ULK4: variants seen among roughly 807,000 people sequenced by gnomAD.
ULK4 encodes the protein inactive serine/threonine-protein kinase ULK4.
In ULK4, 133 loss-of-function variants were observed where a neutral mutation model predicts 160.6. That is an observed-to-expected ratio of 0.83 (90% CI 0.72 to 0.96). The LOEUF (loss-of-function observed/expected upper bound fraction) is 0.96, where lower values mean the gene tolerates loss of function less well. Ranked by LOEUF, ULK4 falls within the 40% of genes least tolerant of loss-of-function variation. The pLI, the probability that ULK4 is intolerant of heterozygous loss-of-function variation, is 0.00. For missense variants in ULK4, 1,580 were observed against 1,499.5 expected, an observed-to-expected ratio of 1.05 and a Z score of -0.89; for synonymous variants, 534 against 539.8, an observed-to-expected ratio of 0.99 and a Z score of 0.15.
At chr3:41,533,882 A>G (rs1365067894) in intron 32 of ULK4, among the ~76,000 whole-genome samples, 1 of 152,142 alleles carries the variant, frequency 6.6e-6, no homozygotes, top group African/African-American at 2.4e-5. Flanking sequence ...ATCTTGGCTC[A>G]CTGCAAGCTC....
chr3:41,307,858 T>C (rs577154325), intron 35 of ULK4, among the ~76,000 whole-genome samples: 223 of 151,654 alleles, frequency 1.5e-3, no homozygotes, highest in African/African-American at 5.1e-3. Context: ...ATATAATATA[T>C]AGCTAAAGTG....
intron 35 of ULK4, among the ~76,000 whole-genome samples, chr3:41,389,353 T>C (rs1230900211): frequency 1.3e-5 from 2 of 152,178 alleles, no homozygotes; most frequent in Non-Finnish European, 2.9e-5. Context: ...CCTAATTGAA[T>C]GCCCTTTATT....
intron 34 of ULK4, among the ~76,000 whole-genome samples, chr3:41,442,302 T>C (rs1046187618): frequency 6.6e-6 from 1 of 152,154 alleles, no homozygotes. Context: ...CTTAAAATGT[T>C]TTGTGATTAT....
At chr3:41,255,886 A>C (rs2078825562) in intron 35 of ULK4, among the ~76,000 whole-genome samples, 1 of 152,186 alleles carries the variant, frequency 6.6e-6, no homozygotes, top group Non-Finnish European at 1.5e-5. Context: ...CACTTATATA[A>C]AAAATCATCT....
At chr3:41,772,650 A>T (rs2039436644) in intron 21 of ULK4, among the ~76,000 whole-genome samples, 1 of 152,198 alleles carries the variant, frequency 6.6e-6, no homozygotes, top group African/African-American at 2.4e-5. Flanking sequence ...TACAAGGAGG[A>T]ACTGGTACCA....
At chr3:41,853,596 A>G (rs947559004) in intron 17 of ULK4, among the ~76,000 whole-genome samples, 6 of 152,160 alleles carry the variant, frequency 3.9e-5, no homozygotes, top group African/African-American at 1.2e-4. Flanking sequence ...GCAGCTAAAT[A>G]AGCACTGGCC....
At chr3:41,531,479 G>A (rs200067598) in intron 32 of ULK4, among the ~76,000 whole-genome samples, 5 of 61,046 alleles carry the variant, frequency 8.2e-5, no homozygotes, top group African/African-American at 1.7e-4. Context: ...GGGAGAGGAG[G>A]GGAGAGGAGA....
intron 35 of ULK4, among the ~76,000 whole-genome samples, chr3:41,336,078 C>T (rs1575443910): frequency 6.6e-6 from 1 of 152,112 alleles, no homozygotes; most frequent in African/African-American, 2.4e-5. Flanking sequence ...GAAGAACCGT[C>T]CTTGACCTAA....
intron 30 of ULK4, among the ~76,000 whole-genome samples, chr3:41,625,825 T>G (rs187670465): frequency 6.6e-6 from 1 of 152,332 alleles, no homozygotes; most frequent in Admixed American, 6.5e-5. Context: ...CTAAATTTTT[T>G]TAAACCAAAA....
At chr3:41,642,345 C>G (rs1051938048) in intron 30 of ULK4, among the ~76,000 whole-genome samples, 3 of 152,080 alleles carry the variant, frequency 2.0e-5, no homozygotes, top group Non-Finnish European at 2.9e-5. Context: ...CCTACTCCCC[C>G]CACCCCACAA....
chr3:41,560,050 T>C (rs182039837), intron 32 of ULK4, among the ~76,000 whole-genome samples: 126 of 152,338 alleles, frequency 8.3e-4, no homozygotes, highest in African/African-American at 3.0e-3. Flanking sequence ...TTGTATAAGC[T>C]GTAAAGAGGG....
chr3:41,256,098 G>T (rs989044657), intron 35 of ULK4, among the ~76,000 whole-genome samples: 1 of 152,116 alleles, frequency 6.6e-6, no homozygotes, highest in Non-Finnish European at 1.5e-5. Flanking sequence ...AGGATTGGAA[G>T]GCTCAATATA....
chr3:41,587,108 G>A (rs967135853), intron 31 of ULK4, among the ~76,000 whole-genome samples: 2 of 152,248 alleles, frequency 1.3e-5, no homozygotes, highest in South Asian at 4.1e-4. Flanking sequence ...CATCCAGATT[G>A]CTAACAGAAT....
intron 35 of ULK4, among the ~76,000 whole-genome samples, chr3:41,316,780 AACT>A (rs1194928115): frequency 6.6e-6 from 1 of 152,148 alleles, no homozygotes; most frequent in Non-Finnish European, 1.5e-5. Flanking sequence ...CCCTTCTCTC[AACT>A]ACTGTGCAAA....
At chr3:41,537,923 A>ATT (rs34200441) in intron 32 of ULK4, among the ~76,000 whole-genome samples, 479 of 145,628 alleles carry the variant, frequency 3.3e-3, no homozygotes, top group African/African-American at 7.7e-3. Flanking sequence ...CCTTTGTGGC[A>ATT]TTTTTTTTTT....
chr3:41,420,475 C>CTTTTTTTTTTTTTTTTTTTTTTTTTT (rs1165381982), intron 34 of ULK4, among the ~76,000 whole-genome samples: 6 of 41,180 alleles, frequency 1.5e-4, no homozygotes, highest in African/African-American at 5.0e-4. Context: ...CCAGTTCTTT[C>CTTTTTTTTTTTTTTTTTTTTTTTTTT]TTTTTTTTTT....
At chr3:41,773,403 C>T (rs2125923028) in intron 21 of ULK4, among the ~76,000 whole-genome samples, 1 of 152,286 alleles carries the variant, frequency 6.6e-6, no homozygotes, top group Admixed American at 6.5e-5. Context: ...GTGCAAAAAT[C>T]ACAGGCATTC....
intron 32 of ULK4, among the ~76,000 whole-genome samples, chr3:41,558,181 T>C (rs1329075405): frequency 2.0e-5 from 3 of 152,150 alleles, no homozygotes; most frequent in Admixed American, 6.5e-5. Flanking sequence ...TGTAGAACTG[T>C]CTGTAACAGC....
intron 32 of ULK4, among the ~76,000 whole-genome samples, chr3:41,563,082 T>A (rs961992930): frequency 6.6e-6 from 1 of 152,204 alleles, no homozygotes; most frequent in African/African-American, 2.4e-5. Context: ...AGCATTTGCT[T>A]GTCTGTAAAG....
Sources: gnomAD v4.1 joint callset for allele counts (sites outside exome capture counted in the v4.1 genomes callset) on GRCh38, gnomAD v4.1.1 for gene constraint, MANE v1.5 for transcripts, NCBI Gene and HGNC (gene_info 2026-07-23, HGNC 2026-07-21) for gene names.